Variants in UTRN observed in about 807,000 individuals in gnomAD.
The protein encoded by UTRN is dystrophin-related protein 1.
A neutral mutation model predicts 463.9 loss-of-function variants in UTRN; 283 were observed. That is an observed-to-expected ratio of 0.61 (90% CI 0.55 to 0.67). The LOEUF (loss-of-function observed/expected upper bound fraction) is 0.67, where lower values mean the gene tolerates loss of function less well. UTRN is among the 30% of genes least tolerant of loss of function. The pLI is 0.00. For missense variants in UTRN, 3,922 were observed against 4,084.3 expected (o/e 0.96, Z 1.08); for synonymous variants, 1,442 against 1,431.5 (o/e 1.01, Z -0.17).
intron 51 of UTRN, among the ~76,000 whole-genome samples, chr6:144,644,349 A>C (rs537916174): frequency 6.6e-6 from 1 of 152,270 alleles, no homozygotes; most frequent in East Asian, 1.9e-4. Context: ...TACTTTTCTA[A>C]ACTGAATTGG....
Position 144,640,371 on chromosome 6 carries a change from A to G in UTRN, c.7480-38035A>G, listed in dbSNP as rs551795162. Reference sequence around the variant, plus strand: ...GGACCGCCAAAGTCCAGTCCCAAACATGATACATTAAGTGTATCCCTTAGT... The same window carrying G: ...GGACCGCCAAAGTCCAGTCCCAAACGTGATACATTAAGTGTATCCCTTAGT... On this transcript the variant is annotated intron_variant, in intron 51 of 74. Transcript: ENST00000367545. Among the ~76,000 whole-genome samples the G allele has an allele frequency of 2.6e-5, 4 of 152,206 alleles. No individual in the cohort carries two copies. In the East Asian group the frequency reaches 7.7e-4, roughly 29 times the overall value.
intron 51 of UTRN, among the ~76,000 whole-genome samples, chr6:144,629,249 A>C (rs1300217802): frequency 3.3e-5 from 5 of 151,872 alleles, no homozygotes; most frequent in Non-Finnish European, 5.9e-5. Context: ...AAAAGCAAAA[A>C]GGATGTGTAG....
chr6:144,450,286 A>C (rs1788132982), intron 17 of UTRN, among the ~76,000 whole-genome samples: 1 of 152,204 alleles, frequency 6.6e-6, no homozygotes, highest in African/African-American at 2.4e-5. Flanking sequence ...TATGTCCTGC[A>C]GGGCCTTCTT....
chr6:144,351,063 T>G (rs1778066790), intron 2 of UTRN, among the ~76,000 whole-genome samples: 1 of 152,208 alleles, frequency 6.6e-6, no homozygotes, highest in Admixed American at 6.5e-5. Context: ...AAACCATTTT[T>G]TATATATTTT....
chr6:144,803,917 A>G (rs769713239), intron 65 of UTRN, among the ~76,000 whole-genome samples: 3 of 152,052 alleles, frequency 2.0e-5, no homozygotes, highest in Non-Finnish European at 4.4e-5. Context: ...TTTTTTCAAA[A>G]TAGGTTTATC....
chr6:144,715,814 T>C (rs1786377134), intron 53 of UTRN, among the ~76,000 whole-genome samples: 1 of 151,610 alleles, frequency 6.6e-6, no homozygotes, highest in Non-Finnish European at 1.5e-5. Flanking sequence ...TCGATAAAAG[T>C]TGAATGTTGA....
In UTRN at chr6:144,514,147, G is replaced by T. The variant is rs568480988; in HGVS notation, c.5073+110G>T. 101 of 1,412,386 alleles carry T rather than the reference G, an allele frequency of 7.2e-5. No homozygotes were observed. In the African/African-American group the frequency reaches 1.4e-3, roughly 20 times the overall value. 87.5% of individuals were successfully genotyped at this position (1,412,386 alleles called of 1,614,324 possible). On this transcript the variant is annotated intron_variant, in intron 36 of 74. Coordinates refer to ENST00000367545, the MANE Select transcript of UTRN (RefSeq NM_007124.3). ...TAGCTCTCATTCCTCCCAAGCATTA[G>T]ATTCATTAACATTTATTTTGATGGG...
intron 3 of UTRN, among the ~76,000 whole-genome samples, chr6:144,420,511 C>A (rs892874046): frequency 6.6e-6 from 1 of 152,156 alleles, no homozygotes; most frequent in Non-Finnish European, 1.5e-5. Context: ...ACCAAACTTA[C>A]AGTGAATGGA....
chr6:144,638,739 A>T (rs1452345516), intron 51 of UTRN, among the ~76,000 whole-genome samples: 2 of 152,136 alleles, frequency 1.3e-5, no homozygotes, highest in Non-Finnish European at 2.9e-5. Context: ...CACATACTTT[A>T]TGTGTATTTT....
At chr6:144,494,317 C>T (rs2128580914) in intron 33 of UTRN, among the ~76,000 whole-genome samples, 1 of 152,166 alleles carries the variant, frequency 6.6e-6, no homozygotes, top group African/African-American at 2.4e-5. Context: ...CAGACCTTTG[C>T]AGTGAGTGTT....
At chr6:144,566,311 C>T (rs1295296735) in intron 50 of UTRN, among the ~76,000 whole-genome samples, 1 of 151,972 alleles carries the variant, frequency 6.6e-6, no homozygotes, top group African/African-American at 2.4e-5. Context: ...TGGAGAGTTT[C>T]CTAGGGTAAA....
At chr6:144,584,481 A>G (rs942025235) in intron 51 of UTRN, among the ~76,000 whole-genome samples, 2 of 152,186 alleles carry the variant, frequency 1.3e-5, no homozygotes, top group South Asian at 4.1e-4. Context: ...TAGCTGCCCA[A>G]ACTCATTTGT....
chr6:144,818,973 A>G (rs1245512320), intron 65 of UTRN, among the ~76,000 whole-genome samples: 5 of 150,130 alleles, frequency 3.3e-5, no homozygotes, highest in African/African-American at 1.2e-4. Context: ...TTTTTTCTCC[A>G]CAGGGTTTCC....
chr6:144,769,364 A>C (rs549985168), intron 58 of UTRN, among the ~76,000 whole-genome samples: 7 of 152,108 alleles, frequency 4.6e-5, no homozygotes, highest in African/African-American at 1.7e-4. Flanking sequence ...TACTTTTGTA[A>C]CCAGAGGCTG....
chr6:144,291,672 A>T, intron 1 of UTRN, 65 bp from the exon 2 acceptor site: 1 of 506,012 alleles, frequency 2.0e-6, no homozygotes, highest in Non-Finnish European at 3.3e-6. Context: ...AATAGTTACT[A>T]CGAATAACTA....
intron 49 of UTRN, 95 bp from the exon 50 acceptor site, chr6:144,557,062 A>G: frequency 6.9e-7 from 1 of 1,457,132 alleles, no homozygotes; most frequent in South Asian, 1.4e-5. Context: ...ATCTGTATCT[A>G]AAGCATGTCA....
chr6:144,450,290 C>T (rs1788133621), intron 17 of UTRN, among the ~76,000 whole-genome samples: 1 of 152,188 alleles, frequency 6.6e-6, no homozygotes, highest in Admixed American at 6.5e-5. Context: ...TCCTGCAGGG[C>T]CTTCTTGTAG....
chr6:144,604,245 C>T (rs1241777819), intron 51 of UTRN, among the ~76,000 whole-genome samples: 1 of 152,122 alleles, frequency 6.6e-6, no homozygotes, highest in Non-Finnish European at 1.5e-5. Context: ...TAGTTATACT[C>T]CGTGTGGCCT....
At chr6:144,340,224 T>C (rs949032428) in intron 2 of UTRN, among the ~76,000 whole-genome samples, 8 of 152,164 alleles carry the variant, frequency 5.3e-5, no homozygotes, top group Non-Finnish European at 1.2e-4. Context: ...GGAAGTGCCA[T>C]AACTTGTCCT....
Sources: allele counts gnomAD v4.1 joint callset (sites outside exome capture counted in the v4.1 genomes callset), GRCh38; gene constraint gnomAD v4.1.1; transcripts MANE v1.5; gene names NCBI Gene and HGNC (gene_info 2026-07-23, HGNC 2026-07-21).